The following PLAC9 variants were observed in gnomAD, a reference collection of about 807,000 sequenced individuals.
The protein encoded by PLAC9 is placenta associated 9, also known as placenta-specific protein 9.
Under a neutral mutation model 11.5 loss-of-function variants are expected in PLAC9, and 12 were observed. The ratio of observed to expected loss-of-function variants is 1.05; its 90% CI spans 0.67 to 1.69. The LOEUF (loss-of-function observed/expected upper bound fraction) is 1.69. PLAC9 is among the 40% of genes most tolerant of loss of function. The probability of loss-of-function intolerance (pLI) is 0.00; values close to 1 mark genes in which losing one functional copy is unlikely to be tolerated. For missense variants in PLAC9, 132 were observed against 130.5 expected (o/e 1.01, Z -0.06); for synonymous variants, 62 against 58.1 (o/e 1.07, Z -0.31).
chr10:80,142,591 A>G (rs1028514200), intron 2 of PLAC9, among the ~76,000 whole-genome samples: 27 of 152,268 alleles, frequency 1.8e-4, no homozygotes, highest in African/African-American at 4.8e-4. Flanking sequence ...TTTGTCATCA[A>G]TAGAAATCCA....
chr10:80,136,312 G>C lies in PLAC9; in HGVS notation c.64+3486G>C, dbSNP rs145422829. On this transcript the variant is annotated intron_variant, in intron 1 of 3. Coordinates refer to ENST00000372263, the MANE Select transcript of PLAC9 (RefSeq NM_001012973.3). ...AAGGAGGTCCATTTCCCAACTGGCA[G>C]GGCCTGGGAGAGCGGGAGGAAAGGA... Among the ~76,000 whole-genome samples the C allele has an allele frequency of 1.2e-3, 185 of 152,332 alleles. 2 individuals are homozygous for C. The highest frequency in any genetic ancestry group is 4.2e-3 in the African/African-American group (176 of 41,572).
At chr10:80,144,430 A>G in intron 3 of PLAC9, 87 bp downstream of exon 3, 1 of 1,462,902 alleles carries the variant, frequency 6.8e-7, no homozygotes, top group Non-Finnish European at 9.1e-7. Context: ...GCTCCACTGC[A>G]CAGGTGTAGC....
chr10:80,142,058 G>A, intron 1 of PLAC9, 24 bp from the exon 2 acceptor site: 1 of 1,594,364 alleles, frequency 6.3e-7, no homozygotes, highest in Non-Finnish European at 8.6e-7. Context: ...GGGTCCCACA[G>A]TGACAAGACT....
chr10:80,144,204 A>G lies in PLAC9; in HGVS notation c.163-19A>G. 6.2e-7 allele frequency: 1 copy of G among 1,614,004 alleles called. No homozygotes were observed. The highest frequency in any genetic ancestry group is 8.5e-7 in the Non-Finnish European group (1 of 1,179,984). Reference sequence around the variant, plus strand: ...TGGAACCACTTCTGTCCTCGACTTTACCCCACTTCCCACTCTAGATGGTAG... The same window carrying G: ...TGGAACCACTTCTGTCCTCGACTTTGCCCCACTTCCCACTCTAGATGGTAG... On this transcript the variant is annotated intron_variant, in intron 2 of 3. Coordinates refer to ENST00000372263, the MANE Select transcript of PLAC9 (RefSeq NM_001012973.3).
In PLAC9 at chr10:80,143,242, C is replaced by T. The variant is rs576866480; in HGVS notation, c.163-981C>T. On this transcript the variant is annotated intron_variant, in intron 2 of 3. Transcript: ENST00000372263. ...TACCATGCCCGGCTAATTTTTTGTA[C>T]CTCTGGTAGAGATGGGGTTTCACCA... 5.5e-4 allele frequency among the ~76,000 whole-genome samples: 81 copies of T among 148,448 alleles called. 2 individuals carry two copies. In the South Asian group the frequency reaches 0.016, roughly 30 times the overall value.
intron 1 of PLAC9, among the ~76,000 whole-genome samples, chr10:80,138,119 T>C (rs1845000268): frequency 6.6e-6 from 1 of 152,130 alleles, no homozygotes. Context: ...CAGCTTTTGT[T>C]ATGGAACATT....
intron 1 of PLAC9, 30 bp downstream of exon 1, chr10:80,132,856 C>G (rs1844929107): frequency 1.4e-6 from 2 of 1,474,310 alleles, no homozygotes; most frequent in South Asian, 2.6e-5. Context: ...CGGCAGGGGA[C>G]CTGGAGCCGG....
upstream of PLAC9, chr10:80,132,573 T>C (rs1844924321): frequency 2.2e-6 from 1 of 460,784 alleles, no homozygotes; most frequent in Non-Finnish European, 3.8e-6. Context: ...TCCCGGGGTC[T>C]CTGGGCTCCG....
chr10:80,144,143 G>A, intron 2 of PLAC9, 80 bp from the exon 3 acceptor site: 1 of 1,603,100 alleles, frequency 6.2e-7, no homozygotes, highest in South Asian at 1.1e-5. Flanking sequence ...TGGACCGCCA[G>A]CTGCTCTCTT....
chr10:80,138,349 A>G (rs956528423), intron 1 of PLAC9, among the ~76,000 whole-genome samples: 1 of 152,190 alleles, frequency 6.6e-6, no homozygotes, highest in African/African-American at 2.4e-5. Flanking sequence ...GGTCTTTAAA[A>G]TACTTGCATT....
chr10:80,144,889 C>T lies in PLAC9; in HGVS notation c.284-11C>T, dbSNP rs41291392. ...CCAGCTTGCTCACTGGGGGCCTCTGCTTTCTTTCAGATGGCTTCTGAGCCC... is the reference window on the plus strand; with the variant it reads ...CCAGCTTGCTCACTGGGGGCCTCTGTTTTCTTTCAGATGGCTTCTGAGCCC... On this transcript the variant is annotated splice_polypyrimidine_tract_variant and intron_variant, in intron 3 of 3. Coordinates refer to ENST00000372263, the MANE Select transcript of PLAC9 (RefSeq NM_001012973.3). 82,950 of 1,573,276 alleles carry T rather than the reference C, an allele frequency of 0.053. 2,934 individuals carry two copies. Among genetic ancestry groups the T allele is most frequent in the African/African-American group, 0.14 (10,239 of 74,404 alleles).
Position 80,144,920 on chromosome 10 carries a change from C to A in PLAC9, c.*10C>A, listed in dbSNP as rs1293826848. On this transcript the variant is annotated 3_prime_UTR_variant, in exon 4 of 4. Transcript: ENST00000372263. ...TTCAGATGGCTTCTGAGCCCTGGAGCTGGAGCCCAGCAGTTGGAGGTGGTG... is the reference window on the plus strand; with the variant it reads ...TTCAGATGGCTTCTGAGCCCTGGAGATGGAGCCCAGCAGTTGGAGGTGGTG... 1.9e-6 allele frequency: 3 copies of A among 1,572,868 alleles called. No homozygotes were observed. In the Admixed American group the frequency reaches 5.6e-5, roughly 29 times the overall value.
intron 1 of PLAC9, among the ~76,000 whole-genome samples, chr10:80,137,818 G>A (rs1239814292): frequency 1.3e-5 from 2 of 152,022 alleles, no homozygotes. Flanking sequence ...TGGAGGCTGA[G>A]GTGGGAGAAT....
At chr10:80,139,352 C>T (rs2132335770) in intron 1 of PLAC9, among the ~76,000 whole-genome samples, 1 of 152,218 alleles carries the variant, frequency 6.6e-6, no homozygotes, top group East Asian at 1.9e-4. Flanking sequence ...TCTTCTTGGC[C>T]TCATTTCCTT....
upstream of PLAC9, chr10:80,132,705 C>G (rs1187969738): frequency 8.0e-6 from 11 of 1,377,760 alleles, no homozygotes; most frequent in South Asian, 1.5e-4. Context: ...CGGCCGGGTG[C>G]GATCCGGGAA....
At chr10:80,143,220 C>T (rs1001188287) in intron 2 of PLAC9, among the ~76,000 whole-genome samples, 1 of 149,870 alleles carries the variant, frequency 6.7e-6, no homozygotes, top group Non-Finnish European at 1.5e-5. Flanking sequence ...TTGTACTTAC[C>T]ATGCCCGGCT....
Position 80,134,265 on chromosome 10 carries a change from C to CTTT in PLAC9, c.64+1453_64+1455dup, listed in dbSNP as rs559784722. Among the ~76,000 whole-genome samples, 516 of 134,634 alleles carry CTTT rather than the reference C, an allele frequency of 3.8e-3. 3 individuals carry two copies. Among genetic ancestry groups the CTTT allele is most frequent in the South Asian group, 0.015 (61 of 4,104 alleles). The allele number at this position is 134,634 out of a possible 152,430, so 88.3% of individuals were successfully genotyped here. A position where few individuals can be genotyped will look rare whatever the true frequency, so the allele number is the denominator to read the frequency against. On this transcript the variant is annotated intron_variant, in intron 1 of 3. Transcript: ENST00000372263. ...GTATATTTTCTTTCTTTCTTTCTTTCTTTTTTTTTTTTTTTTGAGACAGGA... is the reference window on the plus strand; with the variant it reads ...GTATATTTTCTTTCTTTCTTTCTTTCTTTTTTTTTTTTTTTTTTTGAGACAGGA...
chr10:80,137,166 G>A (rs1047475617), intron 1 of PLAC9, among the ~76,000 whole-genome samples: 2 of 152,250 alleles, frequency 1.3e-5, no homozygotes, highest in African/African-American at 4.8e-5. Flanking sequence ...ACAAAGCACA[G>A]TTTTGTCCAG....
intron 1 of PLAC9, among the ~76,000 whole-genome samples, chr10:80,135,628 C>T (rs1479919618): frequency 1.3e-5 from 2 of 151,928 alleles, no homozygotes; most frequent in Non-Finnish European, 2.9e-5. Flanking sequence ...CATGAGCCAC[C>T]GCGCTGGGCC....
Sources: allele counts gnomAD v4.1 joint callset (sites outside exome capture counted in the v4.1 genomes callset), GRCh38; gene constraint gnomAD v4.1.1; transcripts MANE v1.5; gene names NCBI Gene and HGNC (gene_info 2026-07-23, HGNC 2026-07-21).